Variants in GSN observed in about 807,000 individuals in gnomAD.
GSN encodes the protein actin-depolymerizing factor.
In GSN, 56 loss-of-function variants were observed where a neutral mutation model predicts 85.7. That is an observed-to-expected ratio of 0.65 (90% CI 0.53 to 0.82). The LOEUF (loss-of-function observed/expected upper bound fraction) is 0.82. GSN is among the 40% of genes least tolerant of loss of function. The pLI, the probability that GSN is intolerant of heterozygous loss-of-function variation, is 0.00. For missense variants in GSN, 857 were observed against 979.8 expected (o/e 0.87, Z 1.67); for synonymous variants, 373 against 399.1 (o/e 0.93, Z 0.78).
chr9:121,304,414 C>T (rs1304706264), intron 4 of GSN, among the ~76,000 whole-genome samples: 1 of 152,238 alleles, frequency 6.6e-6, no homozygotes, highest in East Asian at 1.9e-4. Context: ...GTTTGGGAGC[C>T]AGTCCCCTGA....
At chr9:121,235,203 C>T (rs1051745787) in intron 5 of GSN, among the ~76,000 whole-genome samples, 4 of 152,222 alleles carry the variant, frequency 2.6e-5, no homozygotes, top group East Asian at 1.9e-4. Flanking sequence ...GAACAGTTTC[C>T]ATCTGGCCAG....
chr9:121,204,312 G>A (rs1270286361), upstream of GSN, among the ~76,000 whole-genome samples: 1 of 152,180 alleles, frequency 6.6e-6, no homozygotes, highest in East Asian at 1.9e-4. Context: ...TGTGACCTCA[G>A]GGCTGTACTA....
At position 121,310,750 on chromosome 9, in the gene GSN, C is replaced by T. The variant is rs754064038; in HGVS notation, c.418C>T (p.Gln140Ter). The T allele has an allele frequency of 3.7e-6, 6 of 1,614,092 alleles. No homozygotes were observed. Among genetic ancestry groups the T allele is most frequent in the Non-Finnish European group, 5.1e-6 (6 of 1,179,964 alleles). Residue 140 changes from glutamine to a stop codon, truncating the protein, a stop_gained, in exon 5 of 18, where the codon CAG becomes TAG. Transcript: ENST00000432226. LOFTEE classifies it high-confidence loss of function. Reference protein sequence around the residue: ...PNEVVVQRLFQVKGRRVVRAT... With the variant: ...PNEVVVQRLF ...CGAGGTGGTGGTGCAGAGACTCTTC[C>T]AGGTCAAAGGGCGGCGTGTGGTCCG...
chr9:121,260,368 T>C (rs955222971), intron 6 of GSN, among the ~76,000 whole-genome samples: 2 of 152,198 alleles, frequency 1.3e-5, no homozygotes, highest in African/African-American at 4.8e-5. Flanking sequence ...TGGTTTTGGT[T>C]TGAGAAAAAA....
At chr9:121,301,899 C>G in intron 2 of GSN, 64 bp from the exon 3 acceptor site, 3 of 1,611,608 alleles carry the variant, frequency 1.9e-6, no homozygotes, top group Non-Finnish European at 2.5e-6. Context: ...CGCCCTCCCT[C>G]ATGCCTGGGG....
At chr9:121,312,509 G>A (rs1319658128) in intron 6 of GSN, 21 bp downstream of exon 6, 8 of 1,597,762 alleles carry the variant, frequency 5.0e-6, no homozygotes, top group East Asian at 2.2e-5. Flanking sequence ...GGTGCGCAAT[G>A]GGGTGGCCAT....
chr9:121,262,998 C>T (rs74644810), intron 6 of GSN, among the ~76,000 whole-genome samples: 3,110 of 152,324 alleles, frequency 0.02, 53 homozygotes, highest in Middle Eastern at 0.048. Context: ...GTCGGAAAAC[C>T]AAGCAAACAC....
At chr9:121,239,124 A>G (rs2054552350) in intron 5 of GSN, 2 of 354,044 alleles carry the variant, frequency 5.6e-6, no homozygotes, top group South Asian at 4.5e-5. Flanking sequence ...CTCGACCTGC[A>G]TGTTCATATA....
chr9:121,203,959 T>C (rs1168347462), upstream of GSN, among the ~76,000 whole-genome samples: 1 of 152,236 alleles, frequency 6.6e-6, no homozygotes, highest in Non-Finnish European at 1.5e-5. Flanking sequence ...GTTGTCACAC[T>C]TTAACATTTT....
At position 121,299,845 on chromosome 9, in the gene GSN, C is replaced by T; in HGVS notation, c.-9-2118C>T. ...AGGCCGCGGCTGCCGACTGGGTCCC[C>T]TGCCGCTGTCGCCACCATGGCTCCG... On this transcript the variant is annotated intron_variant, in intron 2 of 17. Transcript: ENST00000432226. The surrounding 1 kb of genome is among the most constrained non-coding windows in gnomAD (Gnocchi z 4.2). 7.4e-7 allele frequency: 1 copy of T among 1,352,864 alleles called. No homozygotes were observed. The highest frequency in any genetic ancestry group is 9.6e-7 in the Non-Finnish European group (1 of 1,043,996). 83.8% of individuals were successfully genotyped at this position (1,352,864 alleles called of 1,614,324 possible).
At chr9:121,263,095 C>G (rs1170077824), upstream of GSN, among the ~76,000 whole-genome samples, 1 of 152,082 alleles carries the variant, frequency 6.6e-6, no homozygotes, top group Non-Finnish European at 1.5e-5. Context: ...GGGGGAAGCC[C>G]AGGTTTTGAG....
intron 5 of GSN, among the ~76,000 whole-genome samples, chr9:121,240,731 C>T (rs867928792): frequency 7.2e-5 from 11 of 152,042 alleles, no homozygotes; most frequent in Admixed American, 6.5e-5. Context: ...AAGTGAGGGG[C>T]GGCCACTAAA....
intron 2 of GSN, chr9:121,282,507 T>A: frequency 8.0e-7 from 1 of 1,257,110 alleles, no homozygotes; most frequent in Middle Eastern, 3.1e-4. Flanking sequence ...GATGGTGACA[T>A]GAGCCACCCA....
chr9:121,242,475 G>A (rs181651976), intron 5 of GSN, among the ~76,000 whole-genome samples: 12 of 134,428 alleles, frequency 8.9e-5, no homozygotes, highest in Admixed American at 7.8e-5. Flanking sequence ...GAGGAGTAAC[G>A]AACCAAATGG....
At chr9:121,312,778 C>T in intron 6 of GSN, 1 of 223,050 alleles carries the variant, frequency 4.5e-6, no homozygotes, top group Non-Finnish European at 8.8e-6. Context: ...CAGGCGAGTG[C>T]TACCAAGCCA....
intron 6 of GSN, among the ~76,000 whole-genome samples, chr9:121,254,273 A>G (rs1380661529): frequency 2.6e-5 from 4 of 152,242 alleles, no homozygotes; most frequent in African/African-American, 9.6e-5. Flanking sequence ...ACACAGTTTT[A>G]GCCTCCACAG....
intron 4 of GSN, among the ~76,000 whole-genome samples, chr9:121,213,027 G>A (rs913265515): frequency 6.6e-6 from 1 of 152,180 alleles, no homozygotes. Context: ...GAAGGAAGGA[G>A]AATTTCTTCC....
chr9:121,269,487 T>G (rs572438131), intron 1 of GSN, among the ~76,000 whole-genome samples: 10 of 152,238 alleles, frequency 6.6e-5, no homozygotes, highest in African/African-American at 2.4e-4. Context: ...TTCCGTTTAC[T>G]AAAGGGACAA....
intron 2 of GSN, among the ~76,000 whole-genome samples, chr9:121,298,351 C>T (rs995712391): frequency 1.4e-4 from 21 of 152,226 alleles, no homozygotes; most frequent in African/African-American, 4.8e-4. Context: ...CCTTTCTCCA[C>T]GAAGCCTTCT....
Sources: allele counts gnomAD v4.1 joint callset (sites outside exome capture counted in the v4.1 genomes callset), GRCh38; gene constraint gnomAD v4.1.1; non-coding constraint Gnocchi (gnomAD v3.1); transcripts MANE v1.5; gene names NCBI Gene and HGNC (gene_info 2026-07-23, HGNC 2026-07-21).